MALRD1: variants seen among roughly 807,000 people sequenced by gnomAD.
MALRD1 encodes the protein MAM and LDL receptor class A domain containing 1.
MALRD1 carries 247 observed loss-of-function variants against 242.1 expected under a neutral mutation model. The ratio of observed to expected loss-of-function variants is 1.02; its 90% CI spans 0.92 to 1.13. MALRD1 has a LOEUF of 1.13. MALRD1 is among the 50% of genes most tolerant of loss of function. MALRD1 has a pLI of 0.00. For missense variants in MALRD1, 2,989 were observed against 2,533.1 expected, an observed-to-expected ratio of 1.18 and a Z score of -3.86; for synonymous variants, 995 against 866.6, an observed-to-expected ratio of 1.15 and a Z score of -2.60.
chr10:19,113,819 A>ACACACACT (rs1554791223), intron 5 of MALRD1, among the ~76,000 whole-genome samples: 5 of 147,228 alleles, frequency 3.4e-5, no homozygotes, highest in African/African-American at 1.2e-4. Flanking sequence ...ACACACACAC[A>ACACACACT]CACACACACA....
At chr10:19,447,045 CACACACACACACACACATACACAG>C (rs1257174163) in intron 28 of MALRD1, among the ~76,000 whole-genome samples, 99 of 99,178 alleles carry the variant, frequency 1.0e-3, no homozygotes, top group Non-Finnish European at 1.6e-3. Flanking sequence ...GTTAGGAACA[CACACACACACACACACATACACAG>C]ACACACACAC....
At chr10:19,396,259 C>T (rs555736063) in intron 28 of MALRD1, among the ~76,000 whole-genome samples, 2 of 151,340 alleles carry the variant, frequency 1.3e-5, no homozygotes, top group South Asian at 2.1e-4. Flanking sequence ...GCCTCAGCCT[C>T]CTGGGTAGCT....
At chr10:19,378,279 C>G (rs1008337183) in intron 26 of MALRD1, among the ~76,000 whole-genome samples, 1 of 152,136 alleles carries the variant, frequency 6.6e-6, no homozygotes, top group Non-Finnish European at 1.5e-5. Flanking sequence ...AAATTCTCCA[C>G]TGTAATTTAT....
intron 18 of MALRD1, among the ~76,000 whole-genome samples, chr10:19,237,861 AATT>A (rs1158293964): frequency 1.5e-5 from 2 of 129,970 alleles, no homozygotes; most frequent in Non-Finnish European, 3.1e-5. Flanking sequence ...AGTTATATAT[AATT>A]ATATAGAATT....
At chr10:19,315,584 AT>A (rs1250200909) in intron 21 of MALRD1, among the ~76,000 whole-genome samples, 5 of 54,984 alleles carry the variant, frequency 9.1e-5, no homozygotes, top group East Asian at 6.1e-4. Flanking sequence ...TAAATTATAA[AT>A]TATAAATATT....
At chr10:19,134,889 T>C (rs1239001961) in intron 9 of MALRD1, among the ~76,000 whole-genome samples, 1 of 152,142 alleles carries the variant, frequency 6.6e-6, no homozygotes, top group Non-Finnish European at 1.5e-5. Flanking sequence ...GAGATCTAAG[T>C]TTAAAACCAT....
At chr10:19,337,383 T>C (rs1456785484) in intron 24 of MALRD1, among the ~76,000 whole-genome samples, 1 of 152,106 alleles carries the variant, frequency 6.6e-6, no homozygotes, top group Admixed American at 6.6e-5. Context: ...TCAAGCAAAT[T>C]TTTGAAGGAG....
At position 19,734,143 on chromosome 10, in the gene MALRD1, T is replaced by A; in HGVS notation, c.6391-14T>A. ...CTAAAATTCCACCCTTTCAAATGTG[T>A]TTTTCTTCGTCAGAGTTCTGTCTAT... On this transcript the variant is annotated splice_polypyrimidine_tract_variant and intron_variant, in intron 39 of 39. Transcript: ENST00000454679. 1 of 1,527,012 alleles carries A rather than the reference T, an allele frequency of 6.5e-7. No homozygotes were observed. 94.6% of individuals were successfully genotyped at this position (1,527,012 alleles called of 1,614,324 possible).
intron 14 of MALRD1, among the ~76,000 whole-genome samples, chr10:19,176,500 G>A (rs893474327): frequency 1.4e-5 from 2 of 147,016 alleles, no homozygotes; most frequent in African/African-American, 2.5e-5. Flanking sequence ...TCAGCCTCCC[G>A]AGTAGCTGGG....
chr10:19,049,445 G>T (rs557405892), intron 1 of MALRD1, among the ~76,000 whole-genome samples: 1 of 152,298 alleles, frequency 6.6e-6, no homozygotes, highest in African/African-American at 2.4e-5. Flanking sequence ...AAATTTAAAA[G>T]AACTCATTAA....
chr10:19,681,043 A>T (rs1295553385), intron 36 of MALRD1, among the ~76,000 whole-genome samples: 1 of 152,108 alleles, frequency 6.6e-6, no homozygotes, highest in East Asian at 1.9e-4. Context: ...CTCTTTGTAG[A>T]TGACCTGGCC....
chr10:19,253,769 A>G (rs577702397), intron 18 of MALRD1, among the ~76,000 whole-genome samples: 4 of 152,084 alleles, frequency 2.6e-5, no homozygotes, highest in Non-Finnish European at 5.9e-5. Context: ...GATATAGTCA[A>G]TCTCCTCCTT....
At chr10:19,454,429 T>TATATATATATATATATATATATAA (rs1835519216) in intron 29 of MALRD1, among the ~76,000 whole-genome samples, 3 of 141,234 alleles carry the variant, frequency 2.1e-5, no homozygotes, top group Non-Finnish European at 4.6e-5. Context: ...TATATATATA[T>TATATATATATATATATATATATAA]ATAATTATAT....
chr10:19,371,768 G>A (rs1034541046), intron 26 of MALRD1, among the ~76,000 whole-genome samples: 7 of 152,178 alleles, frequency 4.6e-5, no homozygotes, highest in Admixed American at 3.9e-4. Flanking sequence ...ATATAAAGGT[G>A]TATATGAAAC....
At chr10:19,532,143 G>A (rs7083270) in intron 32 of MALRD1, among the ~76,000 whole-genome samples, 106,391 of 152,114 alleles carry the variant, frequency 0.7, 40,606 homozygotes, top group Non-Finnish European at 0.84. Flanking sequence ...ACCTGATGAG[G>A]TAAGTATATT....
chr10:19,246,456 A>T lies in MALRD1; in HGVS notation c.2992-11228A>T, dbSNP rs1588772144. On this transcript the variant is annotated intron_variant, in intron 18 of 39. Coordinates refer to ENST00000454679, the MANE Select transcript of MALRD1 (RefSeq NM_001142308.3). Reference sequence around the variant, plus strand: ...TAGTGCTTATTTTCTTCTGCTGTAAAATGCCTGGGCATGAAGGGGAAAAAG... The same window carrying T: ...TAGTGCTTATTTTCTTCTGCTGTAATATGCCTGGGCATGAAGGGGAAAAAG... 1.3e-5 allele frequency among the ~76,000 whole-genome samples: 2 copies of T among 152,238 alleles called. 1 individual carries two copies. Among genetic ancestry groups the T allele is most frequent in the East Asian group, 3.9e-4 (2 of 5,168 alleles).
intron 26 of MALRD1, among the ~76,000 whole-genome samples, chr10:19,355,238 C>T (rs1393916708): frequency 6.6e-6 from 1 of 152,022 alleles, no homozygotes; most frequent in Non-Finnish European, 1.5e-5. Context: ...ATGTAGCTAT[C>T]TGAGATATTA....
chr10:19,420,943 A>G (rs985800386), intron 28 of MALRD1, among the ~76,000 whole-genome samples: 3 of 152,176 alleles, frequency 2.0e-5, no homozygotes, highest in African/African-American at 7.2e-5. Flanking sequence ...TTGAGTTGCC[A>G]TTCATTTTGA....
intron 8 of MALRD1, among the ~76,000 whole-genome samples, chr10:19,132,857 T>A (rs2131403228): frequency 6.6e-6 from 1 of 152,302 alleles, no homozygotes. Context: ...TTTCAGAGCA[T>A]AAAAGCATCA....
Sources: gnomAD v4.1 joint callset for allele counts (sites outside exome capture counted in the v4.1 genomes callset) on GRCh38, gnomAD v4.1.1 for gene constraint, MANE v1.5 for transcripts, NCBI Gene and HGNC (gene_info 2026-07-23, HGNC 2026-07-21) for gene names.